C1QTNF3: variants seen among roughly 807,000 people sequenced by gnomAD.
C1QTNF3 encodes the protein complement C1q tumor necrosis factor-related protein 3.
A neutral mutation model predicts 32.6 loss-of-function variants in C1QTNF3; 26 were observed. That is an observed-to-expected ratio of 0.80 (90% CI 0.58 to 1.11). C1QTNF3 has a LOEUF of 1.11. Among genes scored for constraint, C1QTNF3 ranks in the 50% least tolerant of loss-of-function variants. The probability of loss-of-function intolerance (pLI) is 0.00; values close to 1 mark genes in which losing one functional copy is unlikely to be tolerated. For synonymous variants in C1QTNF3, 155 were observed against 146.0 expected, an observed-to-expected ratio of 1.06 and a Z score of -0.44; for missense variants, 362 against 398.2, an observed-to-expected ratio of 0.91 and a Z score of 0.77.
At chr5:34,061,426 CTG>C in the C1QTNF3 span, among the ~76,000 whole-genome samples, 2 of 152,214 alleles carry the variant, frequency 1.3e-5, no homozygotes, top group African/African-American at 4.8e-5. Flanking sequence ...AGTAGGGACT[CTG>C]TGTGAGTGCT....
the C1QTNF3 span, among the ~76,000 whole-genome samples, chr5:34,085,584 T>C: frequency 2.6e-5 from 4 of 151,548 alleles, no homozygotes; most frequent in East Asian, 7.7e-4. Flanking sequence ...TGAAGTCAGG[T>C]AGCTTGATGT....
At chr5:34,094,229 G>A in the C1QTNF3 span, among the ~76,000 whole-genome samples, 2 of 152,026 alleles carry the variant, frequency 1.3e-5, no homozygotes, top group Non-Finnish European at 2.9e-5. Context: ...TTCTCTAAAC[G>A]TTGTGAATTC....
chr5:34,115,493 G>A, the C1QTNF3 span, among the ~76,000 whole-genome samples: 30 of 152,244 alleles, frequency 2.0e-4, no homozygotes, highest in Non-Finnish European at 3.8e-4. Context: ...CACTTTGGGA[G>A]GCCTAGGCGG....
At chr5:34,131,592 G>T in the C1QTNF3 span, among the ~76,000 whole-genome samples, 2 of 152,126 alleles carry the variant, frequency 1.3e-5, no homozygotes, top group Non-Finnish European at 2.9e-5. Flanking sequence ...TCTCAGAGGA[G>T]GAAAAATAGA....
At chr5:34,165,379 G>C in the C1QTNF3 span, 7 of 151,924 alleles carry the variant, frequency 4.6e-5, no homozygotes, top group Non-Finnish European at 8.8e-5. Context: ...GTATGTGTAG[G>C]TATATGCATG....
At chr5:34,057,727 G>A in the C1QTNF3 span, among the ~76,000 whole-genome samples, 1 of 152,170 alleles carries the variant, frequency 6.6e-6, no homozygotes, top group South Asian at 2.1e-4. Flanking sequence ...TGGTTTTACG[G>A]CATTGAGGAA....
At chr5:34,027,682 G>A (rs949446784) in intron 4 of C1QTNF3, among the ~76,000 whole-genome samples, 1 of 147,532 alleles carries the variant, frequency 6.8e-6, no homozygotes, top group African/African-American at 2.5e-5. Context: ...ACTCCAGGCT[G>A]GTTGATAGAG....
chr5:34,132,451 A>G, the C1QTNF3 span, among the ~76,000 whole-genome samples: 78,123 of 144,682 alleles, frequency 0.54, 22,401 homozygotes, highest in Non-Finnish European at 0.62. Flanking sequence ...ATATATATAT[A>G]TATATATATA....
chr5:34,029,889 T>C (rs1754567543), intron 3 of C1QTNF3, among the ~76,000 whole-genome samples: 1 of 152,236 alleles, frequency 6.6e-6, no homozygotes. Flanking sequence ...CCATCATATT[T>C]AAAAGTAACA....
the C1QTNF3 span, among the ~76,000 whole-genome samples, chr5:34,130,128 T>TAC: frequency 4.0e-5 from 6 of 148,264 alleles, no homozygotes; most frequent in Admixed American, 3.4e-4. Flanking sequence ...CTATTTTATA[T>TAC]ATATACACAC....
chr5:34,150,347 C>T, the C1QTNF3 span, among the ~76,000 whole-genome samples: 52 of 109,578 alleles, frequency 4.7e-4, no homozygotes, highest in South Asian at 6.3e-4. Context: ...CAGCTCTGCA[C>T]GAAGCAGACC....
the C1QTNF3 span, among the ~76,000 whole-genome samples, chr5:34,178,105 A>T: frequency 5.0e-5 from 1 of 19,804 alleles, no homozygotes; most frequent in African/African-American, 1.6e-4. Flanking sequence ...CATCTCTACT[A>T]AAAAAAAAAA....
chr5:34,178,460 C>A, the C1QTNF3 span, among the ~76,000 whole-genome samples: 4 of 90,834 alleles, frequency 4.4e-5, no homozygotes, highest in African/African-American at 1.5e-4. Flanking sequence ...TGTGTGTCAA[C>A]TCCAACCCTG....
chr5:34,170,153 A>T, the C1QTNF3 span, among the ~76,000 whole-genome samples: 1 of 152,158 alleles, frequency 6.6e-6, no homozygotes, highest in African/African-American at 2.4e-5. Flanking sequence ...AACCTAAGGG[A>T]TCTTATGCTA....
At chr5:34,021,714 T>C (rs182720363) in intron 5 of C1QTNF3, among the ~76,000 whole-genome samples, 2 of 151,952 alleles carry the variant, frequency 1.3e-5, no homozygotes, top group African/African-American at 4.8e-5. Flanking sequence ...AGTTGAACAA[T>C]GAGAACACAT....
At chr5:34,029,542 T>C (rs1216080718) in intron 3 of C1QTNF3, among the ~76,000 whole-genome samples, 1 of 152,212 alleles carries the variant, frequency 6.6e-6, no homozygotes, top group African/African-American at 2.4e-5. Context: ...TTCAATACAC[T>C]GTTTACCCAA....
the C1QTNF3 span, among the ~76,000 whole-genome samples, chr5:34,227,760 A>AT: frequency 6.6e-6 from 1 of 151,900 alleles, no homozygotes; most frequent in African/African-American, 2.4e-5. Flanking sequence ...TGACCAATGT[A>AT]TTTAACCAAT....
the C1QTNF3 span, among the ~76,000 whole-genome samples, chr5:34,076,700 C>T: frequency 1.3e-5 from 2 of 151,672 alleles, no homozygotes; most frequent in Non-Finnish European, 2.9e-5. Context: ...GGATCAGCTA[C>T]TCTGACATTT....
At chr5:34,071,579 T>C in the C1QTNF3 span, among the ~76,000 whole-genome samples, 1 of 152,042 alleles carries the variant, frequency 6.6e-6, no homozygotes, top group Non-Finnish European at 1.5e-5. Flanking sequence ...TGTACAGCCA[T>C]TGAGGAAGAT....
Sources: allele counts gnomAD v4.1 joint callset (sites outside exome capture counted in the v4.1 genomes callset), GRCh38; gene constraint gnomAD v4.1.1; transcripts MANE v1.5; gene names NCBI Gene and HGNC (gene_info 2026-07-23, HGNC 2026-07-21).